Variants in FBXL20 observed in about 807,000 individuals in gnomAD.
FBXL20 encodes the protein F-box and leucine rich repeat protein 20.
In FBXL20, 11 loss-of-function variants were observed where a neutral mutation model predicts 64.0. The observed-to-expected ratio is 0.17, with a 90% CI of 0.11 to 0.28. FBXL20 has a LOEUF of 0.28. Among genes scored for constraint, FBXL20 ranks in the 10% least tolerant of loss-of-function variants. The pLI is 1.00. For synonymous variants in FBXL20, 184 were observed against 189.0 expected, an observed-to-expected ratio of 0.97 and a Z score of 0.22; for missense variants, 303 against 526.2, an observed-to-expected ratio of 0.58 and a Z score of 4.15.
At chr17:39,387,341 G>A (rs1329903258) in intron 1 of FBXL20, among the ~76,000 whole-genome samples, 4 of 147,334 alleles carry the variant, frequency 2.7e-5, no homozygotes, top group Non-Finnish European at 4.5e-5. Flanking sequence ...GTGCAATGGC[G>A]CAATCTCGGC....
intron 1 of FBXL20, among the ~76,000 whole-genome samples, chr17:39,363,290 G>A (rs2047817942): frequency 6.6e-6 from 1 of 150,998 alleles, no homozygotes; most frequent in East Asian, 2.0e-4. Context: ...CTGGGATTAT[G>A]GGTGTGAGCC....
chr17:39,330,043 A>G (rs1567882497), intron 2 of FBXL20, among the ~76,000 whole-genome samples: 1 of 152,132 alleles, frequency 6.6e-6, no homozygotes, highest in Non-Finnish European at 1.5e-5. Context: ...CTGTAATCCC[A>G]GCACTTTTGG....
At chr17:39,313,738 C>T (rs935603330) in intron 2 of FBXL20, among the ~76,000 whole-genome samples, 3 of 151,864 alleles carry the variant, frequency 2.0e-5, no homozygotes, top group Admixed American at 2.0e-4. Context: ...TGGGTTCAAG[C>T]GATTCTCCTG....
chr17:39,342,552 A>G (rs143688322), intron 2 of FBXL20, among the ~76,000 whole-genome samples: 8,091 of 152,142 alleles, frequency 0.053, 241 homozygotes, highest in Non-Finnish European at 0.078. Flanking sequence ...CGTCTCTACT[A>G]AAAAATACAA....
intron 2 of FBXL20, among the ~76,000 whole-genome samples, chr17:39,307,188 G>A (rs1490128650): frequency 6.6e-6 from 1 of 152,086 alleles, no homozygotes; most frequent in Admixed American, 6.6e-5. Context: ...TGCTATCTAC[G>A]GGCACTGTTT....
At chr17:39,297,059 G>T in intron 6 of FBXL20, 68 bp downstream of exon 6, 1 of 1,120,570 alleles carries the variant, frequency 8.9e-7, no homozygotes, top group Non-Finnish European at 1.3e-6. Flanking sequence ...TTAATGGCCT[G>T]AATTTAAGGT....
intron 2 of FBXL20, among the ~76,000 whole-genome samples, chr17:39,335,828 A>C (rs1597804807): frequency 6.6e-6 from 1 of 152,082 alleles, no homozygotes; most frequent in Admixed American, 6.6e-5. Context: ...TTCAATAGGG[A>C]AGGAAGAGAA....
At chr17:39,270,952 A>C (rs1015794176) in intron 10 of FBXL20, 96 bp from the exon 11 acceptor site, 3 of 956,766 alleles carry the variant, frequency 3.1e-6, no homozygotes, top group Admixed American at 2.5e-5. Context: ...ACAATCTTCT[A>C]TTCTCTAAGG....
At chr17:39,291,599 A>G (rs2047040322) in intron 6 of FBXL20, among the ~76,000 whole-genome samples, 1 of 151,566 alleles carries the variant, frequency 6.6e-6, no homozygotes, top group South Asian at 2.1e-4. Flanking sequence ...ACGCCAGGCT[A>G]ATTTTTCGAA....
intron 1 of FBXL20, among the ~76,000 whole-genome samples, chr17:39,358,989 A>G (rs1391102579): frequency 6.6e-6 from 1 of 152,186 alleles, no homozygotes; most frequent in Non-Finnish European, 1.5e-5. Flanking sequence ...AAAAATGCAA[A>G]TCAAAACCAC....
intron 1 of FBXL20, among the ~76,000 whole-genome samples, chr17:39,358,132 G>T (rs942078286): frequency 3.9e-5 from 6 of 152,172 alleles, no homozygotes; most frequent in African/African-American, 1.4e-4. Flanking sequence ...CCAAAGGCCA[G>T]AACAGGAGCT....
At chr17:39,316,325 T>C (rs2047292000) in intron 2 of FBXL20, among the ~76,000 whole-genome samples, 1 of 152,020 alleles carries the variant, frequency 6.6e-6, no homozygotes, top group Non-Finnish European at 1.5e-5. Context: ...ATTTTTTTCT[T>C]TCCCCCCGAG....
chr17:39,357,299 T>C (rs1372296398), intron 1 of FBXL20, among the ~76,000 whole-genome samples: 1 of 151,722 alleles, frequency 6.6e-6, no homozygotes, highest in Non-Finnish European at 1.5e-5. Context: ...AAAAAGACTT[T>C]TTTTGCCCAG....
chr17:39,278,396 T>C (rs1473294071), intron 9 of FBXL20, among the ~76,000 whole-genome samples: 3 of 152,128 alleles, frequency 2.0e-5, no homozygotes, highest in African/African-American at 7.2e-5. Context: ...TTCACCCGCC[T>C]TGGCCTCCCA....
At chr17:39,297,216 G>A (rs2047093979) in intron 5 of FBXL20, 21 bp from the exon 6 acceptor site, 1 of 1,578,934 alleles carries the variant, frequency 6.3e-7, no homozygotes, top group Admixed American at 1.7e-5. Context: ...AAGAAAGTAA[G>A]AGGTTTCAAA....
intron 1 of FBXL20, among the ~76,000 whole-genome samples, chr17:39,353,683 C>G (rs2047709899): frequency 6.6e-6 from 1 of 151,722 alleles, no homozygotes; most frequent in African/African-American, 2.4e-5. Flanking sequence ...AGTGCAGTGG[C>G]ACAATCTTGG....
intron 2 of FBXL20, among the ~76,000 whole-genome samples, chr17:39,329,577 T>C (rs1307622419): frequency 6.6e-6 from 1 of 152,220 alleles, no homozygotes; most frequent in African/African-American, 2.4e-5. Context: ...TGTGGTGTTT[T>C]GTATCTATCT....
chr17:39,302,259 G>T (rs597069), intron 3 of FBXL20, among the ~76,000 whole-genome samples: 28,190 of 151,866 alleles, frequency 0.19, 2,838 homozygotes, highest in East Asian at 0.24. Flanking sequence ...ACCTGGGATG[G>T]AGTGCAGTGG....
chr17:39,376,451 A>G (rs2047968061), intron 1 of FBXL20, among the ~76,000 whole-genome samples: 1 of 152,198 alleles, frequency 6.6e-6, no homozygotes, highest in Admixed American at 6.5e-5. Context: ...AAGCTCTGAT[A>G]TATTCATGAG....
Sources: gnomAD v4.1 joint callset for allele counts (sites outside exome capture counted in the v4.1 genomes callset) on GRCh38, gnomAD v4.1.1 for gene constraint, MANE v1.5 for transcripts, NCBI Gene and HGNC (gene_info 2026-07-23, HGNC 2026-07-21) for gene names.